The following PTPN14 variants were observed in gnomAD, a reference collection of about 807,000 sequenced individuals.
PTPN14 encodes protein tyrosine phosphatase non-receptor type 14.
In PTPN14, 53 loss-of-function variants were observed where a neutral mutation model predicts 126.8. That is an observed-to-expected ratio of 0.42 (90% CI 0.34 to 0.53). The LOEUF is 0.53. Ranked by LOEUF, PTPN14 falls within the 20% of genes least tolerant of loss-of-function variation. PTPN14 has a pLI of 0.08. For missense variants in PTPN14, 1,257 were observed against 1,552.9 expected, an observed-to-expected ratio of 0.81 and a Z score of 3.20; for synonymous variants, 630 against 599.3, an observed-to-expected ratio of 1.05 and a Z score of -0.75.
At chr1:214,505,869 C>G (rs1305177396) in intron 1 of PTPN14, among the ~76,000 whole-genome samples, 1 of 152,144 alleles carries the variant, frequency 6.6e-6, no homozygotes, top group Non-Finnish European at 1.5e-5. Context: ...GGACTCCTGC[C>G]TGGACAACAG....
At chr1:214,494,161 C>T (rs1661310315) in intron 1 of PTPN14, among the ~76,000 whole-genome samples, 7 of 152,134 alleles carry the variant, frequency 4.6e-5, no homozygotes, top group Admixed American at 3.9e-4. Flanking sequence ...AGCTCCGCCT[C>T]CCAGGTTCAC....
intron 7 of PTPN14, among the ~76,000 whole-genome samples, chr1:214,401,330 A>G (rs1204422120): frequency 2.0e-5 from 3 of 152,256 alleles, no homozygotes; most frequent in Non-Finnish European, 4.4e-5. Context: ...GAAAAAGAGA[A>G]TAAGAAAACT....
chr1:214,398,046 T>G (rs752344989), intron 7 of PTPN14, 45 bp from the exon 8 acceptor site: 3 of 1,432,036 alleles, frequency 2.1e-6, no homozygotes, highest in Admixed American at 1.7e-5. Flanking sequence ...CCATGTTCAC[T>G]GCAACATTAT....
At position 214,383,480 on chromosome 1, in the gene PTPN14, G is replaced by C; in HGVS notation, c.2375C>G (p.Ser792Cys). 6.2e-7 allele frequency: 1 copy of C among 1,614,270 alleles called. No homozygotes were observed. Among genetic ancestry groups the C allele is most frequent in the Non-Finnish European group, 8.5e-7 (1 of 1,180,056 alleles). ...RHGPAKAISMSRTDPPAVNGA... is the reference protein window; with the variant it reads ...RHGPAKAISMCRTDPPAVNGA... ...GTTGACAGCCGGCGGGTCAGTCCGA[G>C]ACATGCTGATGGCCTTGGCTGGCCC... is the stretch of plus-strand genomic sequence containing the variant. The change falls in exon 13 of 19, where the codon TCT becomes TGT. Residue 792 changes from serine to cysteine, a missense_variant. Ser to Cys is a moderately radical substitution (Grantham distance 112). Coordinates refer to ENST00000366956, the MANE Select transcript of PTPN14 (RefSeq NM_005401.5). This position sits in a 1 kb window ranked among gnomAD's most constrained non-coding sequence, Gnocchi z 4.4.
intron 1 of PTPN14, among the ~76,000 whole-genome samples, chr1:214,524,676 A>G (rs1181588049): frequency 2.0e-5 from 3 of 152,110 alleles, no homozygotes; most frequent in Non-Finnish European, 4.4e-5. Flanking sequence ...GGAGGGGGCG[A>G]GTGGAGAAGG....
intron 1 of PTPN14, among the ~76,000 whole-genome samples, chr1:214,547,111 T>C (rs1356607280): frequency 6.6e-6 from 1 of 152,224 alleles, no homozygotes; most frequent in Non-Finnish European, 1.5e-5. Context: ...CATTGCATCA[T>C]ATCCTTTAAT....
At position 214,352,680 on chromosome 1, in the gene PTPN14, C is replaced by T. The variant is rs1483499561; in HGVS notation, c.*5242G>A. On this transcript the variant is annotated 3_prime_UTR_variant, in exon 19 of 19. Transcript: ENST00000366956. ...AACATCTTACAGCTTTATTTCCACC[C>T]TATAGGGCCAACTAGTGTGCCAACC... 6.6e-6 allele frequency: 1 copy of T among 152,202 alleles called. No homozygotes were observed. The highest frequency in any genetic ancestry group is 1.5e-5 in the Non-Finnish European group (1 of 68,042). The allele number at this position is 152,202 out of a possible 1,614,324, so 9.4% of individuals were successfully genotyped here. A position where few individuals can be genotyped will look rare whatever the true frequency, so the allele number is the denominator to read the frequency against.
chr1:214,513,728 T>C (rs1655033198), intron 1 of PTPN14, among the ~76,000 whole-genome samples: 1 of 152,232 alleles, frequency 6.6e-6, no homozygotes, highest in Non-Finnish European at 1.5e-5. Context: ...AGTTGAGCTA[T>C]ATTTTTTCTG....
chr1:214,504,143 A>C (rs1363265758), intron 1 of PTPN14, among the ~76,000 whole-genome samples: 6 of 152,194 alleles, frequency 3.9e-5, no homozygotes, highest in Non-Finnish European at 8.8e-5. Context: ...AAAATCTTTC[A>C]ATTTACATTA....
Position 214,532,142 on chromosome 1 carries a change from G to C in PTPN14, c.-155+19041C>G, listed in dbSNP as rs548853794. On this transcript the variant is annotated intron_variant, in intron 1 of 18. Coordinates refer to ENST00000366956, the MANE Select transcript of PTPN14 (RefSeq NM_005401.5). ...ATATGTATTGAAGTAGTAGTATACT[G>C]AGGTCGTTGGCAAAGCCTGGGTCCT... is the stretch of plus-strand genomic sequence containing the variant. 3.1e-5 allele frequency: 9 copies of C among 286,348 alleles called. No individual in the cohort carries two copies. In the East Asian group the frequency reaches 4.7e-4, roughly 15 times the overall value. The allele number at this position is 286,348 out of a possible 1,614,324, so 17.7% of individuals were successfully genotyped here. A position where few individuals can be genotyped will look rare whatever the true frequency, so the allele number is the denominator to read the frequency against.
At position 214,384,770 on chromosome 1, in the gene PTPN14, T is replaced by C; in HGVS notation, c.1085A>G (p.Asn362Ser). 1.2e-6 allele frequency: 2 copies of C among 1,612,762 alleles called. No individual in the cohort carries two copies. Among genetic ancestry groups the C allele is most frequent in the Admixed American group, 1.7e-5 (1 of 59,954 alleles). The change falls in exon 13 of 19, where the codon AAT becomes AGT. Residue 362 changes from asparagine to serine, a missense_variant. Asn to Ser is a conservative substitution (Grantham distance 46). Coordinates refer to ENST00000366956, the MANE Select transcript of PTPN14 (RefSeq NM_005401.5). The surrounding 1 kb of genome is among the most constrained non-coding windows in gnomAD (Gnocchi z 5.3). Reference sequence around the variant, plus strand: ...AGAGTTGCAATACAAGGCTTCTTCATTCCCATGAAAAATGCTGTCTACAAG... The same window carrying C: ...AGAGTTGCAATACAAGGCTTCTTCACTCCCATGAAAAATGCTGTCTACAAG... ...HTSQDSIFHG[N>S]EEALYCNSHN...
intron 6 of PTPN14, 88 bp downstream of exon 6, chr1:214,402,795 A>G (rs1659063783): frequency 7.0e-7 from 1 of 1,430,194 alleles, no homozygotes; most frequent in African/African-American, 1.4e-5. Flanking sequence ...TCAAGCCCAG[A>G]GTTGCTGATA....
chr1:214,535,463 A>G (rs1655680752), intron 1 of PTPN14, among the ~76,000 whole-genome samples: 1 of 152,218 alleles, frequency 6.6e-6, no homozygotes, highest in Non-Finnish European at 1.5e-5. Context: ...TAAAAAACAG[A>G]CAAAAGCAAG....
intron 10 of PTPN14, among the ~76,000 whole-genome samples, chr1:214,392,660 C>A (rs1402126172): frequency 6.6e-6 from 1 of 152,140 alleles, no homozygotes; most frequent in Non-Finnish European, 1.5e-5. Flanking sequence ...AAACGTACAG[C>A]CGCTTCACTT....
At chr1:214,423,680 T>C (rs992353683) in intron 3 of PTPN14, among the ~76,000 whole-genome samples, 1 of 152,170 alleles carries the variant, frequency 6.6e-6, no homozygotes, top group Non-Finnish European at 1.5e-5. Context: ...TATTCACAGC[T>C]TAAAAATATC....
chr1:214,511,731 G>T lies in PTPN14; in HGVS notation c.-155+39452C>A, dbSNP rs535301892. ...GAGATATTTGCACACCCATGTCACA[G>T]CAGCATTATTCATGGCAGGCAAAAG... On this transcript the variant is annotated intron_variant, in intron 1 of 18. Transcript: ENST00000366956. 1.1e-4 allele frequency among the ~76,000 whole-genome samples: 16 copies of T among 152,288 alleles called. No homozygotes were observed. In the East Asian group the frequency reaches 2.1e-3, roughly 20 times the overall value.
chr1:214,391,097 G>T, intron 10 of PTPN14, 52 bp from the exon 11 acceptor site: 1 of 1,366,996 alleles, frequency 7.3e-7, no homozygotes, highest in Non-Finnish European at 1.0e-6. Flanking sequence ...GATATAAAAA[G>T]ACCAGATAGA....
rs141733057 is a variant in PTPN14 at position 214,388,366 on chromosome 1, G to A, written c.988-1444C>T. ...AAAAACCCTCAAAACGCTTACGTTT[G>A]TAAGCCACCGAACAGGATAATCTCT... On this transcript the variant is annotated intron_variant, in intron 11 of 18. Transcript: ENST00000366956. Among the ~76,000 whole-genome samples, 5 of 152,018 alleles carry A rather than the reference G, an allele frequency of 3.3e-5. No individual in the cohort carries two copies. In the East Asian group the frequency reaches 9.7e-4, roughly 29 times the overall value.
chr1:214,424,308 CAG>C (rs1659611297), intron 3 of PTPN14, among the ~76,000 whole-genome samples: 1 of 150,916 alleles, frequency 6.6e-6, no homozygotes, highest in Admixed American at 6.6e-5. Context: ...AAAAAAAAAT[CAG>C]AGTACCACAC....
Sources: gnomAD v4.1 joint callset for allele counts (sites outside exome capture counted in the v4.1 genomes callset) on GRCh38, gnomAD v4.1.1 for gene constraint, Gnocchi (gnomAD v3.1) non-coding constraint, MANE v1.5 for transcripts, NCBI Gene and HGNC (gene_info 2026-07-23, HGNC 2026-07-21) for gene names.